The following TBC1D1 variants were observed in gnomAD, a reference collection of about 807,000 sequenced individuals.
The protein encoded by TBC1D1 is TBC1 (tre-2/USP6, BUB2, cdc16) domain family, member 1.
Under a neutral mutation model 125.6 loss-of-function variants are expected in TBC1D1, and 89 were observed. That is an observed-to-expected ratio of 0.71 (90% confidence interval 0.60 to 0.85). The LOEUF (loss-of-function observed/expected upper bound fraction) is 0.85. TBC1D1 is among the 40% of genes least tolerant of loss of function. The pLI is 0.00. For synonymous variants in TBC1D1, 565 were observed against 564.1 expected, an observed-to-expected ratio of 1.00 and a Z score of -0.02; for missense variants, 1,377 against 1,469.2, an observed-to-expected ratio of 0.94 and a Z score of 1.03.
intron 14 of TBC1D1, among the ~76,000 whole-genome samples, chr4:38,099,009 A>C (rs1225173082): frequency 6.6e-6 from 1 of 152,206 alleles, no homozygotes; most frequent in South Asian, 2.1e-4. Context: ...CTCTAAAGAT[A>C]TCTAGATAGA....
chr4:37,942,413 T>C (rs892734973), intron 2 of TBC1D1, among the ~76,000 whole-genome samples: 7 of 151,154 alleles, frequency 4.6e-5, no homozygotes, highest in African/African-American at 1.7e-4. Context: ...TGAGCCTATG[T>C]GTGTCTCTGC....
rs1766768362 is a variant in TBC1D1, at chr4:38,137,147, A to C, written c.3319A>C (p.Arg1107=). The change falls in exon 20 of 20, where the codon AGG becomes CGG. Residue 1107 remains arginine, a synonymous_variant. Transcript: ENST00000261439. The stretch of plus-strand genomic sequence containing the variant: ...TTTTATTCTCCAGGTGGCAAATGGT[A>C]GGATCCAAAGCCTTGAGGCCACCAT... 6.2e-7 allele frequency: 1 copy of C among 1,613,208 alleles called. No individual in the cohort carries two copies. Among genetic ancestry groups the C allele is most frequent in the African/African-American group, 1.3e-5 (1 of 74,880 alleles).
chr4:38,100,418 C>T (rs1760096356), intron 14 of TBC1D1, among the ~76,000 whole-genome samples: 2 of 152,220 alleles, frequency 1.3e-5, no homozygotes, highest in South Asian at 2.1e-4. Flanking sequence ...CACATTGATT[C>T]CCCTTCTCAT....
chr4:38,116,062 A>G (rs1350272503), intron 16 of TBC1D1, 108 bp downstream of exon 18: 2 of 1,223,298 alleles, frequency 1.6e-6, no homozygotes, highest in African/African-American at 1.5e-5. Flanking sequence ...ACATTGTAAT[A>G]GCTGTCACTG....
At chr4:37,983,021 G>A (rs1296627941) in intron 2 of TBC1D1, among the ~76,000 whole-genome samples, 16 of 152,050 alleles carry the variant, frequency 1.1e-4, no homozygotes, top group African/African-American at 3.1e-4. Context: ...TAGCAGAGGC[G>A]AATGAGGACC....
intron 7 of TBC1D1, among the ~76,000 whole-genome samples, chr4:38,031,817 TA>T (rs1746200779): frequency 6.6e-6 from 1 of 152,224 alleles, no homozygotes; most frequent in Non-Finnish European, 1.5e-5. Context: ...GAATTGCGTT[TA>T]TGACAATTTA....
chr4:37,962,045 C>T (rs141920648), intron 2 of TBC1D1, among the ~76,000 whole-genome samples: 5 of 152,330 alleles, frequency 3.3e-5, no homozygotes, highest in Admixed American at 6.5e-5. Flanking sequence ...TTGTACATTG[C>T]CTGTCTTCCC....
intron 6 of TBC1D1, among the ~76,000 whole-genome samples, chr4:38,027,530 G>A (rs574627243): frequency 6.6e-6 from 1 of 152,272 alleles, no homozygotes; most frequent in East Asian, 1.9e-4. Flanking sequence ...TGGGGAGGCT[G>A]AAGTGGGAGG....
intron 2 of TBC1D1, among the ~76,000 whole-genome samples, chr4:37,964,675 T>C (rs986140421): frequency 6.6e-6 from 1 of 152,224 alleles, no homozygotes; most frequent in African/African-American, 2.4e-5. Flanking sequence ...CTCACTTTCT[T>C]ATTAGCCCCT....
chr4:38,026,738 C>T (rs1311292950), intron 6 of TBC1D1, among the ~76,000 whole-genome samples: 2 of 152,198 alleles, frequency 1.3e-5, no homozygotes, highest in Non-Finnish European at 2.9e-5. Context: ...AAAGGCAGTG[C>T]AGGCTCTAAG....
chr4:37,959,215 G>A (rs1192163507), intron 2 of TBC1D1, among the ~76,000 whole-genome samples: 1 of 152,100 alleles, frequency 6.6e-6, no homozygotes, highest in Non-Finnish European at 1.5e-5. Context: ...TATAACCTTT[G>A]ACTCCCAAAA....
At chr4:37,909,213 A>G (rs1034340576) in intron 2 of TBC1D1, among the ~76,000 whole-genome samples, 1 of 152,166 alleles carries the variant, frequency 6.6e-6, no homozygotes. Context: ...TCTGGGCTGC[A>G]TGTTACCTCG....
At chr4:38,025,639 G>C (rs139366649) in intron 6 of TBC1D1, among the ~76,000 whole-genome samples, 55 of 152,310 alleles carry the variant, frequency 3.6e-4, no homozygotes, top group African/African-American at 1.3e-3. Context: ...ACATCTGAAT[G>C]TTTCATGAAA....
At chr4:38,095,715 AG>A (rs1216666407) in intron 13 of TBC1D1, among the ~76,000 whole-genome samples, 1 of 152,174 alleles carries the variant, frequency 6.6e-6, no homozygotes, top group Non-Finnish European at 1.5e-5. Context: ...TTGGGGGTGA[AG>A]GGGTAAGAGA....
chr4:37,904,403 G>A (rs1232253404), intron 2 of TBC1D1, among the ~76,000 whole-genome samples: 1 of 152,156 alleles, frequency 6.6e-6, no homozygotes, highest in East Asian at 1.9e-4. Flanking sequence ...GAAAATGAGA[G>A]GACTGAACAG....
At chr4:38,086,133 T>C (rs1307093232) in intron 12 of TBC1D1, among the ~76,000 whole-genome samples, 1 of 151,186 alleles carries the variant, frequency 6.6e-6, no homozygotes, top group Non-Finnish European at 1.5e-5. Context: ...AAAAATATTA[T>C]ACAAATTTGT....
At chr4:38,041,313 A>G (rs1224359516) in intron 8 of TBC1D1, among the ~76,000 whole-genome samples, 1 of 152,242 alleles carries the variant, frequency 6.6e-6, no homozygotes, top group East Asian at 1.9e-4. Context: ...AGAAATTTTT[A>G]AAAAGTGACA....
At chr4:38,086,038 G>A (rs1757425094) in intron 12 of TBC1D1, among the ~76,000 whole-genome samples, 1 of 152,118 alleles carries the variant, frequency 6.6e-6, no homozygotes, top group Non-Finnish European at 1.5e-5. Context: ...GATTCAGCAG[G>A]CCAAATTTAG....
intron 12 of TBC1D1, among the ~76,000 whole-genome samples, chr4:38,059,221 T>C (rs1397803398): frequency 1.3e-5 from 2 of 152,230 alleles, no homozygotes; most frequent in African/African-American, 2.4e-5. Context: ...TTTTTTTTCT[T>C]TTTAAATTCA....
Sources: gnomAD v4.1 joint callset for allele counts (sites outside exome capture counted in the v4.1 genomes callset) on GRCh38, gnomAD v4.1.1 for gene constraint, MANE v1.5 for transcripts, NCBI Gene and HGNC (gene_info 2026-07-23, HGNC 2026-07-21) for gene names.